Variants in SCFD1 observed in about 807,000 individuals in gnomAD.
SCFD1 encodes the protein sec1 family domain containing 1, also known as sec1 family domain-containing protein 1.
In SCFD1, 37 loss-of-function variants were observed where a neutral mutation model predicts 103.2. The observed-to-expected ratio is 0.36, with a 90% confidence interval of 0.28 to 0.47. The LOEUF (loss-of-function observed/expected upper bound fraction) is 0.47. Among genes scored for constraint, SCFD1 ranks in the 20% least tolerant of loss-of-function variants. SCFD1 has a pLI of 1.00. For missense variants in SCFD1, 639 were observed against 761.2 expected (o/e 0.84, Z 1.89); for synonymous variants, 264 against 245.0 (o/e 1.08, Z -0.73).
chr14:30,716,275 A>G (rs991312057), intron 20 of SCFD1, among the ~76,000 whole-genome samples: 12 of 152,238 alleles, frequency 7.9e-5, no homozygotes, highest in Non-Finnish European at 1.5e-4. Flanking sequence ...TCTATAAATG[A>G]AAAAAGAACC....
At chr14:30,662,123 A>C (rs1398433355) in intron 10 of SCFD1, among the ~76,000 whole-genome samples, 1 of 152,226 alleles carries the variant, frequency 6.6e-6, no homozygotes, top group Non-Finnish European at 1.5e-5. Context: ...GAGAAAATAC[A>C]CACAAATGTA....
Position 30,674,172 on chromosome 14 carries a change from C to A in SCFD1, c.1160+175C>A, listed in dbSNP as rs148762937. Among the ~76,000 whole-genome samples, 451 of 152,154 alleles carry A rather than the reference C, an allele frequency of 3.0e-3. 4 individuals carry two copies. The highest frequency in any genetic ancestry group is 9.2e-3 in the African/African-American group (382 of 41,500). On this transcript the variant is annotated intron_variant, in intron 13 of 24. Coordinates refer to ENST00000458591, the MANE Select transcript of SCFD1 (RefSeq NM_016106.4). ...CTAAATGTTTAAGCCGATTTTAGTT[C>A]CCTCTTAGATATAGGAGATTATTCA...
chr14:30,671,978 C>T (rs965507881), intron 11 of SCFD1, among the ~76,000 whole-genome samples: 5 of 149,174 alleles, frequency 3.4e-5, no homozygotes, highest in African/African-American at 1.2e-4. Context: ...CACGCCATTG[C>T]ACTCCAGCCT....
chr14:30,652,153 CAGA>C (rs2139108959), intron 9 of SCFD1, among the ~76,000 whole-genome samples: 1 of 152,266 alleles, frequency 6.6e-6, no homozygotes, highest in African/African-American at 2.4e-5. Flanking sequence ...GTCCTATACC[CAGA>C]AGAGTGTAAT....
In SCFD1 at chr14:30,628,812, C is replaced by G. The variant is rs559134885; in HGVS notation, c.132+533C>G. On this transcript the variant is annotated intron_variant, in intron 2 of 24. Coordinates refer to ENST00000458591, the MANE Select transcript of SCFD1 (RefSeq NM_016106.4). ...TTTAAACTTCATGCAGACTCTCTTTCTTCAGATGTTATAATACAGTTGATT... is the reference window on the plus strand; with the variant it reads ...TTTAAACTTCATGCAGACTCTCTTTGTTCAGATGTTATAATACAGTTGATT... Among the ~76,000 whole-genome samples, 20 of 152,288 alleles carry G rather than the reference C, an allele frequency of 1.3e-4. No homozygotes were observed. In the South Asian group the frequency reaches 4.1e-3, roughly 32 times the overall value.
chr14:30,672,869 C>T lies in SCFD1; in HGVS notation c.996-388C>T, dbSNP rs58678418. Among the ~76,000 whole-genome samples the T allele has an allele frequency of 9.3e-3, 1,409 of 152,124 alleles. 25 individuals are homozygous for T. The highest frequency in any genetic ancestry group is 0.031 in the African/African-American group (1,306 of 41,496). On this transcript the variant is annotated intron_variant, in intron 11 of 24. Coordinates refer to ENST00000458591, the MANE Select transcript of SCFD1 (RefSeq NM_016106.4). ...TAGTTGCATGGACCCTTTGACATGACGTGTTAATTTGGATGGGAATATTTA... is the reference window on the plus strand; with the variant it reads ...TAGTTGCATGGACCCTTTGACATGATGTGTTAATTTGGATGGGAATATTTA...
intron 23 of SCFD1, among the ~76,000 whole-genome samples, chr14:30,733,182 G>A (rs1594782203): frequency 6.6e-6 from 1 of 151,998 alleles, no homozygotes; most frequent in East Asian, 1.9e-4. Flanking sequence ...GCTAATTTTT[G>A]TATTTTTAGT....
chr14:30,667,948 A>G (rs1309542585), intron 10 of SCFD1, among the ~76,000 whole-genome samples: 1 of 152,262 alleles, frequency 6.6e-6, no homozygotes, highest in Admixed American at 6.5e-5. Flanking sequence ...GGATAGGAAG[A>G]ATCAATATCG....
At chr14:30,729,324 C>G (rs1475588688) in intron 23 of SCFD1, among the ~76,000 whole-genome samples, 1 of 152,006 alleles carries the variant, frequency 6.6e-6, no homozygotes, top group Non-Finnish European at 1.5e-5. Context: ...TTTGCCAAAT[C>G]TAAGGTCATA....
intron 14 of SCFD1, among the ~76,000 whole-genome samples, chr14:30,680,030 G>T (rs1889348856): frequency 6.6e-6 from 1 of 152,118 alleles, no homozygotes; most frequent in Admixed American, 6.5e-5. Flanking sequence ...TATGACAAAA[G>T]ATAGCTCTTC....
At chr14:30,703,883 T>G (rs1891243205) in intron 17 of SCFD1, among the ~76,000 whole-genome samples, 3 of 137,486 alleles carry the variant, frequency 2.2e-5, no homozygotes, top group African/African-American at 7.7e-5. Context: ...TTTGGATTTT[T>G]GATTTTTTCA....
At chr14:30,693,553 G>C (rs1032875613) in intron 14 of SCFD1, among the ~76,000 whole-genome samples, 2 of 152,118 alleles carry the variant, frequency 1.3e-5, no homozygotes, top group Admixed American at 1.3e-4. Context: ...TCTACCTTGT[G>C]CCTTGGCATG....
chr14:30,668,651 CT>C (rs1169919172), intron 10 of SCFD1, among the ~76,000 whole-genome samples: 1 of 152,154 alleles, frequency 6.6e-6, no homozygotes, highest in Non-Finnish European at 1.5e-5. Context: ...ATCTACCCAT[CT>C]GACAAAGGGC....
chr14:30,733,391 G>A (rs1311642508), intron 23 of SCFD1, among the ~76,000 whole-genome samples: 1 of 152,194 alleles, frequency 6.6e-6, no homozygotes, highest in African/African-American at 2.4e-5. Flanking sequence ...GCACTGGAAT[G>A]TTTGGTAAAC....
intron 9 of SCFD1, among the ~76,000 whole-genome samples, chr14:30,652,554 A>G (rs1229400138): frequency 6.6e-6 from 1 of 152,154 alleles, no homozygotes; most frequent in African/African-American, 2.4e-5. Context: ...ATTTGTGTAA[A>G]TTTATAAGCT....
chr14:30,635,270 A>G (rs954775264), intron 4 of SCFD1, among the ~76,000 whole-genome samples: 3 of 152,162 alleles, frequency 2.0e-5, no homozygotes, highest in Non-Finnish European at 2.9e-5. Flanking sequence ...TATAATTTAC[A>G]TACCATACAA....
intron 21 of SCFD1, among the ~76,000 whole-genome samples, chr14:30,721,370 T>G (rs1892638321): frequency 6.6e-6 from 1 of 152,114 alleles, no homozygotes; most frequent in Non-Finnish European, 1.5e-5. Context: ...TTATAATACT[T>G]TGGTGTCTAA....
intron 14 of SCFD1, among the ~76,000 whole-genome samples, chr14:30,692,306 T>G (rs1890372775): frequency 6.6e-6 from 1 of 152,204 alleles, no homozygotes; most frequent in East Asian, 1.9e-4. Flanking sequence ...CTAAGGAGTT[T>G]ACAGTTTTAG....
intron 14 of SCFD1, among the ~76,000 whole-genome samples, chr14:30,681,036 G>A (rs1333500795): frequency 6.6e-6 from 1 of 152,116 alleles, no homozygotes; most frequent in African/African-American, 2.4e-5. Context: ...AGACCGGCCT[G>A]GCCAACATGG....
Sources: allele counts gnomAD v4.1 joint callset (sites outside exome capture counted in the v4.1 genomes callset), GRCh38; gene constraint gnomAD v4.1.1; transcripts MANE v1.5; gene names NCBI Gene and HGNC (gene_info 2026-07-23, HGNC 2026-07-21).